ARHGEF3: variants seen among roughly 807,000 people sequenced by gnomAD.
ARHGEF3 encodes Rho guanine nucleotide exchange factor 3, also known as 59.8 kDA protein.
Under a neutral mutation model 63.2 loss-of-function variants are expected in ARHGEF3, and 28 were observed. The observed-to-expected ratio is 0.44, with a 90% CI of 0.33 to 0.61. The LOEUF (loss-of-function observed/expected upper bound fraction) is 0.61. Ranked by LOEUF, ARHGEF3 falls within the 20% of genes least tolerant of loss-of-function variation. The pLI is 0.03. For synonymous variants in ARHGEF3, 266 were observed against 254.2 expected, an observed-to-expected ratio of 1.05 and a Z score of -0.44; for missense variants, 533 against 659.3, an observed-to-expected ratio of 0.81 and a Z score of 2.10.
At chr3:56,915,825 C>T (rs2041973447) in intron 3 of ARHGEF3, among the ~76,000 whole-genome samples, 1 of 152,138 alleles carries the variant, frequency 6.6e-6, no homozygotes, top group Non-Finnish European at 1.5e-5. Flanking sequence ...TCTTCCAATC[C>T]AAAGAAAAAG....
intron 2 of ARHGEF3, among the ~76,000 whole-genome samples, chr3:56,968,333 T>TA (rs202101662): frequency 2.1e-5 from 1 of 47,424 alleles, no homozygotes; most frequent in South Asian, 5.1e-4. Flanking sequence ...TATATATATA[T>TA]AATATATAAT....
At chr3:56,779,684 T>C (rs1311646124) in intron 1 of ARHGEF3, among the ~76,000 whole-genome samples, 2 of 152,232 alleles carry the variant, frequency 1.3e-5, no homozygotes, top group Admixed American at 1.3e-4. Flanking sequence ...ATGGGGGCAC[T>C]TGACAGCTTG....
chr3:56,732,173 C>T (rs1395132720), intron 9 of ARHGEF3, 65 bp downstream of exon 9: 1 of 1,581,592 alleles, frequency 6.3e-7, no homozygotes, highest in Admixed American at 1.8e-5. Context: ...CCACCAGCTG[C>T]CCACTCCCTC....
chr3:56,857,869 G>A (rs969306351), intron 4 of ARHGEF3, among the ~76,000 whole-genome samples: 1 of 152,168 alleles, frequency 6.6e-6, no homozygotes, highest in African/African-American at 2.4e-5. Context: ...GCCCAGTTAT[G>A]CTTTAGCCTT....
intron 2 of ARHGEF3, among the ~76,000 whole-genome samples, chr3:57,013,282 G>GC (rs1236974384): frequency 6.6e-6 from 1 of 152,198 alleles, no homozygotes; most frequent in Non-Finnish European, 1.5e-5. Flanking sequence ...AGGCAGCTCA[G>GC]CCCCCGGCCC....
chr3:56,755,589 C>A (rs1283029879), intron 2 of ARHGEF3, among the ~76,000 whole-genome samples: 1 of 152,204 alleles, frequency 6.6e-6, no homozygotes, highest in Non-Finnish European at 1.5e-5. Flanking sequence ...ATCCCACTAA[C>A]TTTGGGTATC....
At chr3:56,982,998 T>G (rs995003670) in intron 2 of ARHGEF3, among the ~76,000 whole-genome samples, 1 of 152,098 alleles carries the variant, frequency 6.6e-6, no homozygotes, top group Non-Finnish European at 1.5e-5. Context: ...CAAATAAATA[T>G]CATATGCTCA....
intron 3 of ARHGEF3, among the ~76,000 whole-genome samples, chr3:56,954,462 C>T (rs1218926806): frequency 6.6e-6 from 1 of 152,184 alleles, no homozygotes; most frequent in East Asian, 1.9e-4. Context: ...CGAGACACCC[C>T]CCAGGGTTCC....
chr3:56,730,563 T>G (rs896260694), intron 9 of ARHGEF3, among the ~76,000 whole-genome samples: 7 of 152,064 alleles, frequency 4.6e-5, no homozygotes, highest in Non-Finnish European at 1.0e-4. Context: ...TTTTTTTTAG[T>G]AGAGACAGGG....
At chr3:56,826,662 T>C (rs1000287454) in intron 4 of ARHGEF3, among the ~76,000 whole-genome samples, 1 of 152,160 alleles carries the variant, frequency 6.6e-6, no homozygotes, top group Non-Finnish European at 1.5e-5. Context: ...CAAAGCTACC[T>C]CCAAAAGCTT....
intron 7 of ARHGEF3, among the ~76,000 whole-genome samples, chr3:56,744,333 G>A (rs1183867254): frequency 6.0e-5 from 9 of 150,952 alleles, no homozygotes; most frequent in East Asian, 1.9e-4. Context: ...ATTTTTCCTC[G>A]TCTTCTATTG....
At chr3:56,968,163 T>TATTA (rs1553794279) in intron 2 of ARHGEF3, among the ~76,000 whole-genome samples, 2 of 28,822 alleles carry the variant, frequency 6.9e-5, no homozygotes, top group African/African-American at 2.3e-4. Flanking sequence ...AAAATATATA[T>TATTA]TATATAATAT....
intron 2 of ARHGEF3, among the ~76,000 whole-genome samples, chr3:56,995,638 A>T (rs1701947576): frequency 1.0e-5 from 1 of 98,464 alleles, no homozygotes; most frequent in South Asian, 4.0e-4. Flanking sequence ...AGAGAGAGAG[A>T]GAGAGAGAGA....
chr3:56,881,224 T>G (rs1051948069), intron 4 of ARHGEF3, among the ~76,000 whole-genome samples: 1 of 152,154 alleles, frequency 6.6e-6, no homozygotes, highest in Non-Finnish European at 1.5e-5. Flanking sequence ...CACTGTTAAT[T>G]ATAGGTAGAG....
intron 2 of ARHGEF3, among the ~76,000 whole-genome samples, chr3:57,024,298 T>TAA (rs57220752): frequency 0.32 from 45,136 of 141,394 alleles, 7,264 homozygotes; most frequent in African/African-American, 0.38. Context: ...GGAAAGATAT[T>TAA]AAAAAAAAAA....
intron 2 of ARHGEF3, among the ~76,000 whole-genome samples, chr3:56,986,378 T>C (rs1034159290): frequency 1.3e-5 from 2 of 152,192 alleles, no homozygotes; most frequent in Non-Finnish European, 2.9e-5. Context: ...TCCAGAAATC[T>C]GAGTTTAACA....
Position 56,792,021 on chromosome 3 carries a change from G to C in ARHGEF3, c.96+9682C>G, listed in dbSNP as rs372392896. Among the ~76,000 whole-genome samples, 47 of 149,362 alleles carry C rather than the reference G, an allele frequency of 3.1e-4. 1 individual carries two copies. In the South Asian group the frequency reaches 9.7e-3, roughly 31 times the overall value. ...CTTGGGAGGCTGAGGCAGGAGAATC[G>C]CTTGAACCCAGGAGGCAGAGGTTGC... On this transcript the variant is annotated intron_variant, in intron 1 of 9. Transcript: ENST00000296315.
intron 3 of ARHGEF3, among the ~76,000 whole-genome samples, chr3:56,915,138 CA>C (rs1170024105): frequency 6.6e-6 from 1 of 152,108 alleles, no homozygotes; most frequent in African/African-American, 2.4e-5. Flanking sequence ...ATAGAAAAAG[CA>C]ATGGGCATTG....
In ARHGEF3 at chr3:56,819,117, G is replaced by A. The variant is rs147855746; in HGVS notation, c.193-45301C>T. On this transcript the variant is annotated intron_variant, in intron 4 of 12. Transcript: ENST00000338458. ...TAAAGTCTTCTGATTCCCAGCTGATGTTTTTACCATAAAACTAGGCTGCCT... is the reference window on the plus strand; with the variant it reads ...TAAAGTCTTCTGATTCCCAGCTGATATTTTTACCATAAAACTAGGCTGCCT... 8.8e-3 allele frequency among the ~76,000 whole-genome samples: 1,333 copies of A among 152,222 alleles called. 13 individuals are homozygous for A. Among genetic ancestry groups the A allele is most frequent in the African/African-American group, 0.025 (1,046 of 41,542 alleles).
Sources: allele counts gnomAD v4.1 joint callset (sites outside exome capture counted in the v4.1 genomes callset), GRCh38; gene constraint gnomAD v4.1.1; transcripts MANE v1.5; gene names NCBI Gene and HGNC (gene_info 2026-07-23, HGNC 2026-07-21).